UGT1A10: variants seen among roughly 807,000 people sequenced by gnomAD.
UGT1A10 encodes the protein UDP glucuronosyltransferase family 1 member A10.
A neutral mutation model predicts 45.8 loss-of-function variants in UGT1A10; 49 were observed. That is an observed-to-expected ratio of 1.07 (90% CI 0.85 to 1.36). The LOEUF (loss-of-function observed/expected upper bound fraction) is 1.36, where lower values mean the gene tolerates loss of function less well. Among genes scored for constraint, UGT1A10 ranks in the 40% most tolerant of loss-of-function variants. The pLI is 0.00. For synonymous variants in UGT1A10, 284 were observed against 249.7 expected (o/e 1.14, Z -1.29); for missense variants, 745 against 668.6 (o/e 1.11, Z -1.26).
chr2:233,715,603 C>G (rs1207220731), intron 1 of UGT1A10, among the ~76,000 whole-genome samples: 3 of 151,896 alleles, frequency 2.0e-5, no homozygotes, highest in Non-Finnish European at 4.4e-5. Context: ...GAGACTCCAT[C>G]TCTACAAAAA....
Position 233,757,333 on chromosome 2 carries a change from C to A in UGT1A10, c.856-9701C>A, listed in dbSNP as rs574658157. Among the ~76,000 whole-genome samples the A allele has an allele frequency of 8.6e-4, 129 of 150,728 alleles. 1 individual carries two copies. Among genetic ancestry groups the A allele is most frequent in the African/African-American group, 3.1e-3 (127 of 40,864 alleles). ...GGGGGCTGGGGCCCTGAAATGGGAC[C>A]ATGACAGCTGGGTCTGAGAGACAGT... On this transcript the variant is annotated intron_variant, in intron 1 of 4. Coordinates refer to ENST00000344644, the MANE Select transcript of UGT1A10 (RefSeq NM_019075.4).
At chr2:233,755,085 C>T (rs753098995) in intron 1 of UGT1A10, 1 of 1,335,532 alleles carries the variant, frequency 7.5e-7, no homozygotes, top group Non-Finnish European at 1.0e-6. Flanking sequence ...ATAGATATCG[C>T]GTTTCTACGC....
rs1205477836 is a variant in UGT1A10 at position 233,760,858 on chromosome 2, TC to T, written c.856-6174del. 2.5e-6 allele frequency: 4 copies of T among 1,613,972 alleles called. No homozygotes were observed. In the African/African-American group the frequency reaches 4.0e-5, roughly 16 times the overall value. On this transcript the variant is annotated intron_variant, in intron 1 of 4. Transcript: ENST00000344644. ...GGCTACCCAGTGCCCCAACCCATTC[TC>T]CTACGTGCCCAGGCCTCTCTCCTCT... is the stretch of plus-strand genomic sequence containing the variant.
chr2:233,744,339 T>G (rs368123082), intron 1 of UGT1A10, among the ~76,000 whole-genome samples: 1 of 151,880 alleles, frequency 6.6e-6, no homozygotes, highest in African/African-American at 2.4e-5. Context: ...TTAGTCTGAC[T>G]GGGGCTGAAG....
chr2:233,724,954 C>G lies in UGT1A10; in HGVS notation c.856-42080C>G, dbSNP rs544768388. ...GACTCCGTCTGCAATCCCGGCACCT[C>G]GGGAGGCCGAGGTTGGCGGATCACT... On this transcript the variant is annotated intron_variant, in intron 1 of 4. Coordinates refer to ENST00000344644, the MANE Select transcript of UGT1A10 (RefSeq NM_019075.4). 1.4e-5 allele frequency among the ~76,000 whole-genome samples: 2 copies of G among 143,932 alleles called. 1 individual carries two copies. Among genetic ancestry groups the G allele is most frequent in the East Asian group, 4.2e-4 (2 of 4,760 alleles). 94.4% of individuals were successfully genotyped at this position (143,932 alleles called of 152,430 possible).
rs2126067607 is a variant in UGT1A10 at position 233,772,789 on chromosome 2, G to C, written c.*230G>C. 2 of 1,234,682 alleles carry C rather than the reference G, an allele frequency of 1.6e-6. No homozygotes were observed. Among genetic ancestry groups the C allele is most frequent in the Middle Eastern group, 2.9e-4 (1 of 3,420 alleles). The allele number at this position is 1,234,682 out of a possible 1,614,324, so 76.5% of individuals were successfully genotyped here. On this transcript the variant is annotated 3_prime_UTR_variant, in exon 5 of 5. Transcript: ENST00000344644. Reference sequence around the variant, plus strand: ...CCCCTCTGGTGTCTTTGATCAGGATGACATGTGCCATTTTTCAGAGGACGT... The same window carrying C: ...CCCCTCTGGTGTCTTTGATCAGGATCACATGTGCCATTTTTCAGAGGACGT...
At position 233,704,019 on chromosome 2, in the gene UGT1A10, C is replaced by G. The variant is rs566457131; in HGVS notation, c.856-63015C>G. On this transcript the variant is annotated intron_variant, in intron 1 of 4. Transcript: ENST00000344644. ...AGTTCTCCCACCTCAGCCGCCCGAG[C>G]AGCTGGAACTACAGGTGTGCACCAA... is the stretch of plus-strand genomic sequence containing the variant. 2.6e-5 allele frequency among the ~76,000 whole-genome samples: 4 copies of G among 151,986 alleles called. No homozygotes were observed. In the East Asian group the frequency reaches 5.8e-4, roughly 22 times the overall value.
At chr2:233,712,938 T>A (rs985876029) in intron 1 of UGT1A10, 1 of 1,612,346 alleles carries the variant, frequency 6.2e-7, no homozygotes. Context: ...AAGGAAACAA[T>A]TCTAGGAGGC....
chr2:233,701,495 T>C (rs1430825762), intron 1 of UGT1A10, among the ~76,000 whole-genome samples: 1 of 152,142 alleles, frequency 6.6e-6, no homozygotes, highest in Non-Finnish European at 1.5e-5. Flanking sequence ...CAAGCGGACC[T>C]AATAGACATC....
At chr2:233,741,132 C>G (rs1370599110) in intron 1 of UGT1A10, among the ~76,000 whole-genome samples, 1 of 151,794 alleles carries the variant, frequency 6.6e-6, no homozygotes, top group Admixed American at 6.6e-5. Flanking sequence ...AAAAGCAACA[C>G]TTTCCATTTA....
chr2:233,640,090 TG>T (rs1427822811), intron 1 of UGT1A10, among the ~76,000 whole-genome samples: 1 of 152,186 alleles, frequency 6.6e-6, no homozygotes, highest in African/African-American at 2.4e-5. Context: ...CTTTCCCCAT[TG>T]CTCTAAGATT....
Position 233,769,502 on chromosome 2 carries a change from T to C in UGT1A10, c.1295+1063T>C, listed in dbSNP as rs1443648635. The C allele has an allele frequency of 1.2e-6, 2 of 1,612,762 alleles. No individual in the cohort carries two copies. On this transcript the variant is annotated intron_variant, in intron 4 of 4. Transcript: ENST00000344644. The surrounding 1 kb of genome is among the most constrained non-coding windows in gnomAD (Gnocchi z 4.4). Reference sequence around the variant, plus strand: ...GTGCGTGTGTTTATGAGAGTGTCCATTGCTTTCTCCCATGGTTACCTCCTT... The same window carrying C: ...GTGCGTGTGTTTATGAGAGTGTCCACTGCTTTCTCCCATGGTTACCTCCTT...
chr2:233,704,140 C>T (rs1322869617), intron 1 of UGT1A10, among the ~76,000 whole-genome samples: 3 of 152,114 alleles, frequency 2.0e-5, no homozygotes, highest in Non-Finnish European at 4.4e-5. Flanking sequence ...ATCCACCCGC[C>T]TCAGCCTTTC....
chr2:233,681,993 C>G, intron 1 of UGT1A10: 1 of 1,614,172 alleles, frequency 6.2e-7, no homozygotes, highest in East Asian at 2.2e-5. Context: ...CTACTGCTGA[C>G]CTGTGGCTTT....
intron 1 of UGT1A10, among the ~76,000 whole-genome samples, chr2:233,658,518 G>A (rs529829093): frequency 1.3e-5 from 2 of 152,174 alleles, no homozygotes; most frequent in East Asian, 3.9e-4. Context: ...CTCCTGTACC[G>A]TGTGACAGTT....
intron 1 of UGT1A10, among the ~76,000 whole-genome samples, chr2:233,643,769 C>A (rs185829542): frequency 6.6e-6 from 1 of 152,094 alleles, no homozygotes; most frequent in African/African-American, 2.4e-5. Flanking sequence ...AGGCGATGAA[C>A]GCTGGCAGGA....
chr2:233,748,199 G>A (rs1164871167), intron 1 of UGT1A10: 58 of 1,533,096 alleles, frequency 3.8e-5, no homozygotes, highest in Non-Finnish European at 4.6e-5. Context: ...TCTGCTTGTC[G>A]TAATAGCCTT....
At chr2:233,683,411 C>G (rs1466870497) in intron 1 of UGT1A10, among the ~76,000 whole-genome samples, 1 of 152,062 alleles carries the variant, frequency 6.6e-6, no homozygotes, top group Non-Finnish European at 1.5e-5. Context: ...GTGTTTTCCA[C>G]TTTTGGGGTT....
chr2:233,710,339 G>A (rs922089291), intron 1 of UGT1A10, among the ~76,000 whole-genome samples: 1 of 152,176 alleles, frequency 6.6e-6, no homozygotes, highest in Non-Finnish European at 1.5e-5. Flanking sequence ...AGAAACAGTC[G>A]AACTGTTTCC....
Sources: gnomAD v4.1 joint callset for allele counts (sites outside exome capture counted in the v4.1 genomes callset) on GRCh38, gnomAD v4.1.1 for gene constraint, Gnocchi (gnomAD v3.1) non-coding constraint, MANE v1.5 for transcripts, NCBI Gene and HGNC (gene_info 2026-07-23, HGNC 2026-07-21) for gene names.